The following TICAM2 variants were observed in gnomAD, a reference collection of about 807,000 sequenced individuals.
TICAM2 encodes the protein TIR domain-containing adapter molecule 2.
A neutral mutation model predicts 7.3 loss-of-function variants in TICAM2; 8 were observed. The ratio of observed to expected loss-of-function variants is 1.10; its 90% CI spans 0.65 to 1.99. The LOEUF is 1.99. TICAM2 is among the 30% of genes most tolerant of loss of function. The probability of loss-of-function intolerance (pLI) is 0.00; values close to 1 mark genes in which losing one functional copy is unlikely to be tolerated. For missense variants in TICAM2, 304 were observed against 278.8 expected, an observed-to-expected ratio of 1.09 and a Z score of -0.65; for synonymous variants, 113 against 99.6, an observed-to-expected ratio of 1.13 and a Z score of -0.80.
chr5:115,599,911 AG>A (rs34588737), intron 1 of TICAM2, among the ~76,000 whole-genome samples: 14,343 of 151,770 alleles, frequency 0.095, 788 homozygotes, highest in African/African-American at 0.13. Flanking sequence ...AAGGTTTTGA[AG>A]GGAAATGAAA....
At chr5:115,593,861 C>T (rs970433893) in intron 1 of TICAM2, among the ~76,000 whole-genome samples, 15 of 152,058 alleles carry the variant, frequency 9.9e-5, no homozygotes, top group African/African-American at 3.4e-4. Flanking sequence ...GAAACAGATC[C>T]AAACATATAT....
At chr5:115,597,743 G>C (rs750514901) in intron 1 of TICAM2, among the ~76,000 whole-genome samples, 4 of 152,042 alleles carry the variant, frequency 2.6e-5, no homozygotes, top group African/African-American at 7.3e-5. Flanking sequence ...CAAAATCCAA[G>C]AATACTCAAG....
At chr5:115,582,684 A>G (rs769447726) in intron 1 of TICAM2, among the ~76,000 whole-genome samples, 2 of 152,246 alleles carry the variant, frequency 1.3e-5, no homozygotes, top group African/African-American at 2.4e-5. Context: ...CAGGTTTCAT[A>G]CTTTCAAATG....
In TICAM2 at chr5:115,578,688, A is replaced by G. The variant is rs912954737; in HGVS notation, c.*1861T>C. The G allele has an allele frequency of 1.3e-5, 2 of 152,208 alleles. No homozygotes were observed. Among genetic ancestry groups the G allele is most frequent in the Non-Finnish European group, 2.9e-5 (2 of 68,038 alleles). The allele number at this position is 152,208 out of a possible 1,614,324, so 9.4% of individuals were successfully genotyped here. On this transcript the variant is annotated 3_prime_UTR_variant, in exon 2 of 2. Coordinates refer to ENST00000427199, the MANE Select transcript of TICAM2 (RefSeq NM_021649.7). ...ATTTATTTTAAAAATACCATTTAGCATCAATTGCCCCAAGTTTGGCAGGCA... is the reference window on the plus strand; with the variant it reads ...ATTTATTTTAAAAATACCATTTAGCGTCAATTGCCCCAAGTTTGGCAGGCA...
At position 115,602,197 on chromosome 5, in the gene TICAM2, G is replaced by C. The variant is rs980306736; in HGVS notation, c.-160C>G. On this transcript the variant is annotated 5_prime_UTR_variant, in exon 1 of 2. Transcript: ENST00000427199. ...GTGGGCGTCTTGCCCCGGGCGTCGAGAGTTTGGGGCCGTCCCGTACGCGGC... is the reference window on the plus strand; with the variant it reads ...GTGGGCGTCTTGCCCCGGGCGTCGACAGTTTGGGGCCGTCCCGTACGCGGC... 6 of 152,510 alleles carry C rather than the reference G, an allele frequency of 3.9e-5. No individual in the cohort carries two copies. The East Asian group carries it at 5.8e-4, about 15-fold the overall frequency. The allele number at this position is 152,510 out of a possible 1,614,324, so 9.4% of individuals were successfully genotyped here.
intron 1 of TICAM2, among the ~76,000 whole-genome samples, chr5:115,590,717 G>A (rs1044846309): frequency 7.9e-5 from 12 of 151,984 alleles, no homozygotes; most frequent in Non-Finnish European, 1.3e-4. Context: ...CTTGCATGTC[G>A]TACTTATTTA....
rs138227153 is a variant in TICAM2, at chr5:115,601,429, G to A, written c.-60+668C>T. ...TAAGGAATACTAAACACTTGGAGAA[G>A]GACAAGTTCTTCTCCTGTGTAGACG... On this transcript the variant is annotated intron_variant, in intron 1 of 1. Transcript: ENST00000427199. 3.7e-3 allele frequency among the ~76,000 whole-genome samples: 560 copies of A among 152,242 alleles called. 2 individuals are homozygous for A. Among genetic ancestry groups the A allele is most frequent in the African/African-American group, 0.013 (539 of 41,528 alleles).
chr5:115,580,770 T>C lies in TICAM2; in HGVS notation c.487A>G (p.Arg163Gly). 2 of 1,597,748 alleles carry C rather than the reference T, an allele frequency of 1.3e-6. No homozygotes were observed. The highest frequency in any genetic ancestry group is 1.7e-6 in the Non-Finnish European group (2 of 1,172,558). The part of the protein sequence containing the change: ...FYTSLMNSVN[R>G]QHKYNSVIPM... ...ATAACAGAGTTGTATTTATGCTGCC[T>C]GTTAACGGAGTTCATTAGGGACGTA... is the stretch of plus-strand genomic sequence containing the variant. The change falls in exon 2 of 2, where the codon AGG (arginine) becomes GGG (glycine). Residue 163 changes from arginine (R) to glycine (G), a missense_variant. Coordinates refer to ENST00000427199, the MANE Select transcript of TICAM2 (RefSeq NM_021649.7).
intron 1 of TICAM2, among the ~76,000 whole-genome samples, chr5:115,590,268 C>A (rs1272706840): frequency 6.6e-6 from 1 of 152,064 alleles, no homozygotes; most frequent in Non-Finnish European, 1.5e-5. Context: ...CATGATTGCA[C>A]CACTGCACTC....
At chr5:115,589,292 G>C (rs530612691) in intron 1 of TICAM2, among the ~76,000 whole-genome samples, 3 of 152,294 alleles carry the variant, frequency 2.0e-5, no homozygotes, top group Non-Finnish European at 4.4e-5. Context: ...GCTCTGCCGA[G>C]CTGTCAGGAC....
At position 115,581,166 on chromosome 5, in the gene TICAM2, C is replaced by T; in HGVS notation, c.91G>A (p.Glu31Lys). ...TCTTCAGACTTCTTGGAATCTGACT[C>T]ATGATATCCTGGACTTGTATCCACA... ...HSVDTSPGYH[E>K]SDSKKSEDLS... Residue 31 changes from glutamate (E) to lysine (K), a missense_variant, in exon 2 of 2, where the codon GAG becomes AAG. Coordinates refer to ENST00000427199, the MANE Select transcript of TICAM2 (RefSeq NM_021649.7). 1 of 1,613,834 alleles carries T rather than the reference C, an allele frequency of 6.2e-7. No homozygotes were observed. Among genetic ancestry groups the T allele is most frequent in the South Asian group, 1.1e-5 (1 of 90,998 alleles).
chr5:115,599,062 CAAAAA>C (rs200920989), intron 1 of TICAM2, among the ~76,000 whole-genome samples: 1 of 78,548 alleles, frequency 1.3e-5, no homozygotes. Flanking sequence ...GACCTTGTCT[CAAAAA>C]AAAAAAAAAA....
intron 1 of TICAM2, among the ~76,000 whole-genome samples, chr5:115,596,273 T>C (rs1755506557): frequency 6.6e-6 from 1 of 152,210 alleles, no homozygotes; most frequent in Non-Finnish European, 1.5e-5. Flanking sequence ...ATCAGTCTAA[T>C]CCATTCTCCA....
chr5:115,601,739 C>T (rs754298894), intron 1 of TICAM2, among the ~76,000 whole-genome samples: 1 of 152,222 alleles, frequency 6.6e-6, no homozygotes, highest in Non-Finnish European at 1.5e-5. Context: ...CATGCCAAAA[C>T]CTCCAGCACT....
chr5:115,580,646 G>A lies in TICAM2; in HGVS notation c.611C>T (p.Thr204Ile), dbSNP rs1455222857. The A allele has an allele frequency of 2.5e-6, 4 of 1,582,168 alleles. No homozygotes were observed. Among genetic ancestry groups the A allele is most frequent in the East Asian group, 4.5e-5 (2 of 44,704 alleles). The change falls in exon 2 of 2, where the codon ACA (threonine) becomes ATA (isoleucine). Residue 204 changes from threonine to isoleucine, a missense_variant. Transcript: ENST00000427199. ...ALEEESRGFP[T>I]QVERIFQESV... ...CTCCTGAAAAATTCTTTCTACTTGT[G>A]TAGGAAATCCACGACTTTCTTCCTC...
At chr5:115,590,136 C>G (rs1012882755) in intron 1 of TICAM2, among the ~76,000 whole-genome samples, 2 of 151,944 alleles carry the variant, frequency 1.3e-5, no homozygotes, top group African/African-American at 4.8e-5. Context: ...TCACTTATGG[C>G]CAGGAGTTTG....
chr5:115,585,443 A>T (rs1231714281), intron 1 of TICAM2, among the ~76,000 whole-genome samples: 2 of 152,110 alleles, frequency 1.3e-5, no homozygotes, highest in East Asian at 3.9e-4. Flanking sequence ...GCCAGCTGAC[A>T]TTTTTTTCCT....
chr5:115,589,637 G>C (rs113819826), intron 1 of TICAM2, among the ~76,000 whole-genome samples: 40 of 152,158 alleles, frequency 2.6e-4, no homozygotes, highest in Non-Finnish European at 3.7e-4. Flanking sequence ...TTAGCTATTA[G>C]AGCTTGCATT....
In TICAM2 at chr5:115,581,024, A is replaced by T; in HGVS notation, c.233T>A (p.Phe78Tyr). 1 of 1,614,106 alleles carries T rather than the reference A, an allele frequency of 6.2e-7. No individual in the cohort carries two copies. Among genetic ancestry groups the T allele is most frequent in the Non-Finnish European group, 8.5e-7 (1 of 1,180,028 alleles). ...MFEEEAEEEV[F>Y]LKFVILHAED... ...TGCATGCAATATCACAAATTTGAGG[A>T]ACACCTCTTCTTCAGCTTCTTCTTC... Residue 78 changes from phenylalanine (F) to tyrosine (Y), a missense_variant, in exon 2 of 2, where the codon TTC (phenylalanine) becomes TAC (tyrosine). Coordinates refer to ENST00000427199, the MANE Select transcript of TICAM2 (RefSeq NM_021649.7).
Sources: allele counts gnomAD v4.1 joint callset (sites outside exome capture counted in the v4.1 genomes callset), GRCh38; gene constraint gnomAD v4.1.1; transcripts MANE v1.5; gene names NCBI Gene and HGNC (gene_info 2026-07-23, HGNC 2026-07-21).